NPSR1: variants seen among roughly 807,000 people sequenced by gnomAD.
NPSR1 encodes neuropeptide S receptor.
In NPSR1, 48 loss-of-function variants were observed where a neutral mutation model predicts 46.9. The ratio of observed to expected loss-of-function variants is 1.02; its 90% confidence interval spans 0.81 to 1.30. NPSR1 has a LOEUF of 1.30. NPSR1 is among the 50% of genes most tolerant of loss of function. NPSR1 has a pLI of 0.00. For synonymous variants in NPSR1, 176 were observed against 168.1 expected (o/e 1.05, Z -0.36); for missense variants, 450 against 449.5 (o/e 1.00, Z -0.01).
At chr7:34,796,812 T>C (rs983490245) in intron 3 of NPSR1, among the ~76,000 whole-genome samples, 8 of 152,306 alleles carry the variant, frequency 5.3e-5, no homozygotes, top group Admixed American at 4.6e-4. Flanking sequence ...ATTCCAGCAA[T>C]TGTGCTCCTG....
At chr7:34,875,885 C>A (rs1791563723) in intron 8 of NPSR1, among the ~76,000 whole-genome samples, 1 of 152,132 alleles carries the variant, frequency 6.6e-6, no homozygotes, top group Admixed American at 6.5e-5. Context: ...GTGCACCATG[C>A]TTAGCCCAGT....
At chr7:34,660,945 A>T (rs1317278271) in intron 1 of NPSR1, among the ~76,000 whole-genome samples, 3 of 152,100 alleles carry the variant, frequency 2.0e-5, no homozygotes, top group Non-Finnish European at 4.4e-5. Flanking sequence ...TTAAACTGCT[A>T]TTTCCATATG....
chr7:34,775,139 G>A (rs977824080), intron 2 of NPSR1, among the ~76,000 whole-genome samples: 8 of 152,132 alleles, frequency 5.3e-5, no homozygotes, highest in Admixed American at 3.9e-4. Context: ...GACTCTTAAT[G>A]ACATCTTTGA....
intron 2 of NPSR1, among the ~76,000 whole-genome samples, chr7:34,737,521 G>A (rs938188865): frequency 2.0e-5 from 3 of 152,166 alleles, no homozygotes; most frequent in Non-Finnish European, 2.9e-5. Flanking sequence ...GCTTCTGCCA[G>A]TAAAGTGGCT....
chr7:34,745,791 G>GAT (rs1461553465), intron 2 of NPSR1, among the ~76,000 whole-genome samples: 19 of 152,304 alleles, frequency 1.2e-4, no homozygotes, highest in African/African-American at 4.3e-4. Context: ...TGGGATTACA[G>GAT]GTGTGAGCCA....
In NPSR1 at chr7:34,798,890, TATCTC is replaced by T. The variant is rs555095780; in HGVS notation, c.385-12878_385-12874del. Among the ~76,000 whole-genome samples the T allele has an allele frequency of 6.6e-4, 101 of 152,326 alleles. No individual in the cohort carries two copies. The South Asian group carries it at 7.7e-3, about 12-fold the overall frequency. ...TAAGTAATAAGTGAATTGAAGAAGA[TATCTC>T]AAGAAATATTTTGAAATAAATGAAA... On this transcript the variant is annotated intron_variant, in intron 3 of 8. Transcript: ENST00000360581.
chr7:34,829,240 C>A (rs1159940654), intron 5 of NPSR1, among the ~76,000 whole-genome samples: 2 of 152,158 alleles, frequency 1.3e-5, no homozygotes, highest in Non-Finnish European at 2.9e-5. Context: ...GATGGGCAAG[C>A]ACATAGTGAC....
At chr7:34,693,075 C>T (rs1583821790) in intron 2 of NPSR1, among the ~76,000 whole-genome samples, 1 of 152,088 alleles carries the variant, frequency 6.6e-6, no homozygotes, top group Non-Finnish European at 1.5e-5. Flanking sequence ...GTTGCACCCC[C>T]CTGCTCTCTC....
chr7:34,704,842 G>A (rs1049181527), intron 2 of NPSR1, among the ~76,000 whole-genome samples: 1 of 152,184 alleles, frequency 6.6e-6, no homozygotes, highest in Non-Finnish European at 1.5e-5. Flanking sequence ...TAGAAGCAAG[G>A]GAAACAATTA....
At chr7:34,695,039 T>G (rs774087333) in intron 2 of NPSR1, among the ~76,000 whole-genome samples, 3 of 151,866 alleles carry the variant, frequency 2.0e-5, no homozygotes, top group African/African-American at 7.3e-5. Flanking sequence ...AAAGAAAAAA[T>G]CCAGAGGCAC....
intron 1 of NPSR1, among the ~76,000 whole-genome samples, chr7:34,668,277 T>A (rs890470896): frequency 6.6e-6 from 1 of 152,122 alleles, no homozygotes; most frequent in Non-Finnish European, 1.5e-5. Context: ...AGGTTTCTCA[T>A]CTTTCACGTA....
At chr7:34,714,844 T>A (rs1435584236) in intron 2 of NPSR1, among the ~76,000 whole-genome samples, 2 of 152,208 alleles carry the variant, frequency 1.3e-5, no homozygotes, top group Non-Finnish European at 2.9e-5. Flanking sequence ...AATGGAGATT[T>A]GCTATTATTT....
chr7:34,698,101 G>A (rs1793625612), intron 2 of NPSR1, among the ~76,000 whole-genome samples: 1 of 152,054 alleles, frequency 6.6e-6, no homozygotes, highest in African/African-American at 2.4e-5. Context: ...CTACATATGT[G>A]TATCAAAAGT....
intron 8 of NPSR1, among the ~76,000 whole-genome samples, chr7:34,858,548 G>A (rs969016088): frequency 2.0e-5 from 3 of 150,472 alleles, no homozygotes; most frequent in Non-Finnish European, 3.0e-5. Context: ...TTTTCACACT[G>A]CTGATAAAGA....
chr7:34,694,250 G>T (rs1489035249), intron 2 of NPSR1, among the ~76,000 whole-genome samples: 1 of 152,048 alleles, frequency 6.6e-6, no homozygotes, highest in Non-Finnish European at 1.5e-5. Flanking sequence ...TGTATACTTA[G>T]AAAACACTCT....
chr7:34,658,404 G>C lies in NPSR1; in HGVS notation c.-9G>C. 3 of 1,613,414 alleles carry C rather than the reference G, an allele frequency of 1.9e-6. No individual in the cohort carries two copies. The highest frequency in any genetic ancestry group is 2.5e-6 in the Non-Finnish European group (3 of 1,179,898). On this transcript the variant is annotated 5_prime_UTR_variant, in exon 1 of 9. Coordinates refer to ENST00000360581, the MANE Select transcript of NPSR1 (RefSeq NM_207172.2). The stretch of plus-strand genomic sequence containing the variant: ...AGCAAGGACAGTGAGGCTCAACCCC[G>C]CCTGAGCCATGCCAGCCAACTTCAC...
chr7:34,790,637 T>TTA (rs1053129906), intron 3 of NPSR1, among the ~76,000 whole-genome samples: 10 of 145,878 alleles, frequency 6.9e-5, no homozygotes, highest in Non-Finnish European at 1.2e-4. Flanking sequence ...AATATATAAT[T>TTA]TATATATAAT....
chr7:34,834,814 C>T (rs557269801), intron 6 of NPSR1, among the ~76,000 whole-genome samples: 3 of 152,356 alleles, frequency 2.0e-5, no homozygotes, highest in African/African-American at 7.2e-5. Flanking sequence ...GGACATCACA[C>T]CTTCAGCAAA....
chr7:34,817,656 G>A (rs934694549), intron 4 of NPSR1, among the ~76,000 whole-genome samples: 1 of 148,136 alleles, frequency 6.8e-6, no homozygotes, highest in Non-Finnish European at 1.5e-5. Context: ...GAACATCGAT[G>A]TGAAAATCCT....
Sources: allele counts gnomAD v4.1 joint callset (sites outside exome capture counted in the v4.1 genomes callset), GRCh38; gene constraint gnomAD v4.1.1; transcripts MANE v1.5; gene names NCBI Gene and HGNC (gene_info 2026-07-23, HGNC 2026-07-21).